Variants in ATP11B observed in about 807,000 individuals in gnomAD.
ATP11B encodes ATPase phospholipid transporting 11B (putative).
In ATP11B, 81 loss-of-function variants were observed where a neutral mutation model predicts 157.8. The observed-to-expected ratio is 0.51, with a 90% CI of 0.43 to 0.62. The LOEUF is 0.62. Ranked by LOEUF, ATP11B falls within the 20% of genes least tolerant of loss-of-function variation. The probability of loss-of-function intolerance (pLI) is 0.00; values close to 1 mark genes in which losing one functional copy is unlikely to be tolerated. For synonymous variants in ATP11B, 451 were observed against 469.4 expected, an observed-to-expected ratio of 0.96 and a Z score of 0.51; for missense variants, 1,165 against 1,402.2, an observed-to-expected ratio of 0.83 and a Z score of 2.70.
intron 1 of ATP11B, among the ~76,000 whole-genome samples, chr3:182,817,470 G>A (rs1427684261): frequency 1.3e-5 from 2 of 152,020 alleles, no homozygotes; most frequent in Admixed American, 1.3e-4. Context: ...TAGTAGAGAC[G>A]GAGTTTCACC....
At chr3:182,907,048 G>A (rs1336863843) in intron 28 of ATP11B, among the ~76,000 whole-genome samples, 1 of 150,854 alleles carries the variant, frequency 6.6e-6, no homozygotes, top group Non-Finnish European at 1.5e-5. Context: ...AGCTGAGATG[G>A]CACCACTGCA....
At chr3:182,841,441 AT>A (rs1167080776) in intron 7 of ATP11B, among the ~76,000 whole-genome samples, 7 of 152,146 alleles carry the variant, frequency 4.6e-5, no homozygotes, top group African/African-American at 1.7e-4. Context: ...TAGAGTAAAC[AT>A]TGTATACCCT....
chr3:182,888,236 A>G (rs1221870809), intron 24 of ATP11B, among the ~76,000 whole-genome samples: 2 of 152,202 alleles, frequency 1.3e-5, no homozygotes, highest in African/African-American at 2.4e-5. Flanking sequence ...AGAGATAGCT[A>G]TTGAAGTACC....
At position 182,919,105 on chromosome 3, in the gene ATP11B, GTAAT is replaced by G. The variant is rs1462511557; in HGVS notation, c.*1005_*1008del. On this transcript the variant is annotated 3_prime_UTR_variant, in exon 30 of 30. Coordinates refer to ENST00000323116, the MANE Select transcript of ATP11B (RefSeq NM_014616.3). Reference sequence around the variant, plus strand: ...AATTATACAAATCAGAATAGTATGGGTAATTAAATGAATACAAAAAGAAGAGCCT... The same window carrying G: ...AATTATACAAATCAGAATAGTATGGGTAAATGAATACAAAAAGAAGAGCCT... 1.9e-4 allele frequency: 29 copies of G among 152,240 alleles called. No homozygotes were observed. The highest frequency in any genetic ancestry group is 1.4e-3 in the Admixed American group (21 of 15,260). 9.4% of individuals were successfully genotyped at this position (152,240 alleles called of 1,614,324 possible).
At chr3:182,883,584 C>T (rs1482036352) in intron 21 of ATP11B, among the ~76,000 whole-genome samples, 1 of 151,870 alleles carries the variant, frequency 6.6e-6, no homozygotes, top group Non-Finnish European at 1.5e-5. Context: ...GCCTGAGCCA[C>T]ATTTTTATAC....
At chr3:182,829,774 T>A (rs755350877) in intron 4 of ATP11B, 22 bp downstream of exon 4, 23 of 1,543,622 alleles carry the variant, frequency 1.5e-5, no homozygotes, top group Admixed American at 9.5e-5. Context: ...TTTCTTTTTT[T>A]AATTTTCCTC....
intron 7 of ATP11B, 52 bp from the exon 8 acceptor site, chr3:182,842,023 A>T (rs1316180213): frequency 9.3e-7 from 1 of 1,079,912 alleles, no homozygotes; most frequent in Non-Finnish European, 1.4e-6. Context: ...AAAAACAGCC[A>T]TTGATGTCAT....
At chr3:182,868,689 A>G (rs963309140) in intron 15 of ATP11B, among the ~76,000 whole-genome samples, 3 of 152,334 alleles carry the variant, frequency 2.0e-5, no homozygotes, top group African/African-American at 7.2e-5. Context: ...TTTTTTAGTC[A>G]GAAAAACATG....
Position 182,793,541 on chromosome 3 carries a change from C to T in ATP11B, c.-219C>T. ...GGCTGCGGCGCGGCGGCAGGCTCAG[C>T]TGCGCCGGGCGGGGGCGGCGCCGGG... On this transcript the variant is annotated 5_prime_UTR_variant, in exon 1 of 30. Coordinates refer to ENST00000323116, the MANE Select transcript of ATP11B (RefSeq NM_014616.3). 2.8e-6 allele frequency: 1 copy of T among 356,990 alleles called. No individual in the cohort carries two copies. The highest frequency in any genetic ancestry group is 5.0e-6 in the Non-Finnish European group (1 of 200,372). The allele number at this position is 356,990 out of a possible 1,614,324, so 22.1% of individuals were successfully genotyped here.
intron 10 of ATP11B, among the ~76,000 whole-genome samples, chr3:182,849,787 A>G (rs1719824884): frequency 6.6e-6 from 1 of 152,172 alleles, no homozygotes; most frequent in African/African-American, 2.4e-5. Flanking sequence ...GCATATGTGT[A>G]ATTGATTCCC....
intron 28 of ATP11B, among the ~76,000 whole-genome samples, chr3:182,905,406 C>T (rs768466968): frequency 1.4e-4 from 22 of 152,126 alleles, no homozygotes; most frequent in Non-Finnish European, 2.9e-4. Flanking sequence ...CCATGAAGTC[C>T]AGTTAGAGTA....
intron 23 of ATP11B, among the ~76,000 whole-genome samples, chr3:182,887,193 G>C (rs894793613): frequency 2.6e-5 from 4 of 152,170 alleles, no homozygotes; most frequent in Admixed American, 2.6e-4. Flanking sequence ...GTAGTGTGTA[G>C]ACAGGGAGAC....
At chr3:182,824,764 AC>A (rs1717604028) in intron 2 of ATP11B, among the ~76,000 whole-genome samples, 2 of 152,216 alleles carry the variant, frequency 1.3e-5, no homozygotes, top group African/African-American at 4.8e-5. Context: ...ACTACCTATT[AC>A]GCCACTATTG....
At chr3:182,898,864 T>C (rs1723751712) in intron 28 of ATP11B, 92 bp downstream of exon 28, 3 of 872,422 alleles carry the variant, frequency 3.4e-6, no homozygotes, top group Non-Finnish European at 4.8e-6. Context: ...TGTCAGAAAA[T>C]AGGAAATTAG....
At chr3:182,911,516 G>T (rs563501292) in intron 28 of ATP11B, among the ~76,000 whole-genome samples, 4 of 152,120 alleles carry the variant, frequency 2.6e-5, no homozygotes, top group East Asian at 3.9e-4. Flanking sequence ...ATTCTTAACG[G>T]TTTCCTCATC....
At position 182,919,475 on chromosome 3, in the gene ATP11B, T is replaced by C. The variant is rs956909109; in HGVS notation, c.*1371T>C. The C allele has an allele frequency of 2.0e-5, 3 of 152,660 alleles. No individual in the cohort carries two copies. Among genetic ancestry groups the C allele is most frequent in the African/African-American group, 7.2e-5 (3 of 41,472 alleles). The allele number at this position is 152,660 out of a possible 1,614,324, so 9.5% of individuals were successfully genotyped here. On this transcript the variant is annotated 3_prime_UTR_variant, in exon 30 of 30. Transcript: ENST00000323116. The stretch of plus-strand genomic sequence containing the variant: ...AGTATTGTCATTTGTTTTTGTTTTA[T>C]TGAAAAGTAATGTTGTCTTAAGATT...
Position 182,793,776 on chromosome 3 carries a change from G to A in ATP11B, c.17G>A (p.Arg6Gln), listed in dbSNP as rs1389031990. 6.9e-5 allele frequency: 97 copies of A among 1,402,592 alleles called. No homozygotes were observed. Among genetic ancestry groups the A allele is most frequent in the Non-Finnish European group, 9.0e-5 (96 of 1,072,288 alleles). 86.9% of individuals were successfully genotyped at this position (1,402,592 alleles called of 1,614,324 possible). The change falls in exon 1 of 30, where the codon CGG becomes CAG. Residue 6 changes from arginine (R) to glutamine (Q), a missense_variant. Arg to Gln is a conservative substitution (Grantham distance 43). Transcript: ENST00000323116. Reference protein sequence around the residue: MWRWIRQQLGFDPPHQ... With the variant: MWRWIQQQLGFDPPHQ... The stretch of plus-strand genomic sequence containing the variant: ...GACGGGGGAATGTGGCGCTGGATCC[G>A]GCAGCAGCTGGTAGGTGCCCCCGCC...
At chr3:182,907,745 T>A (rs1304481229) in intron 28 of ATP11B, among the ~76,000 whole-genome samples, 1 of 152,244 alleles carries the variant, frequency 6.6e-6, no homozygotes, top group Non-Finnish European at 1.5e-5. Flanking sequence ...TCCTAAGACC[T>A]GACTAAAACT....
chr3:182,839,204 CCTTA>C (rs1251775325), intron 7 of ATP11B, among the ~76,000 whole-genome samples: 1 of 152,116 alleles, frequency 6.6e-6, no homozygotes, highest in Admixed American at 6.6e-5. Context: ...TACTGCATAT[CCTTA>C]CTTATAAGTG....
Sources: allele counts gnomAD v4.1 joint callset (sites outside exome capture counted in the v4.1 genomes callset), GRCh38; gene constraint gnomAD v4.1.1; transcripts MANE v1.5; gene names NCBI Gene and HGNC (gene_info 2026-07-23, HGNC 2026-07-21).